The following DLGAP4 variants were observed in gnomAD, a reference collection of about 807,000 sequenced individuals.
DLGAP4 encodes DLG associated protein 4, also known as disks large-associated protein 4.
Under a neutral mutation model 86.9 loss-of-function variants are expected in DLGAP4, and 18 were observed. The ratio of observed to expected loss-of-function variants is 0.21; its 90% CI spans 0.14 to 0.31. The LOEUF (loss-of-function observed/expected upper bound fraction) is 0.31, where lower values mean the gene tolerates loss of function less well. Among genes scored for constraint, DLGAP4 ranks in the 10% least tolerant of loss-of-function variants. The pLI, the probability that DLGAP4 is intolerant of heterozygous loss-of-function variation, is 1.00. For missense variants in DLGAP4, 1,085 were observed against 1,362.6 expected, an observed-to-expected ratio of 0.80 and a Z score of 3.21; for synonymous variants, 548 against 574.3, an observed-to-expected ratio of 0.95 and a Z score of 0.65.
intron 2 of DLGAP4, among the ~76,000 whole-genome samples, chr20:36,412,979 CTTT>C (rs71184093): frequency 2.3e-4 from 25 of 110,838 alleles, no homozygotes; most frequent in Admixed American, 1.9e-4. Context: ...GAACTCTTTT[CTTT>C]TTTTTTTTTT....
chr20:36,313,082 C>T (rs1217527328), intron 1 of DLGAP4, among the ~76,000 whole-genome samples: 1 of 152,068 alleles, frequency 6.6e-6, no homozygotes, highest in Non-Finnish European at 1.5e-5. Flanking sequence ...GTCAGGGAGT[C>T]CTCACTGCCC....
intron 7 of DLGAP4, among the ~76,000 whole-genome samples, chr20:36,477,138 C>A (rs192754560): frequency 6.6e-6 from 1 of 151,374 alleles, no homozygotes; most frequent in Non-Finnish European, 1.5e-5. Context: ...TCTCTGTCAC[C>A]CAGCTTGGAG....
chr20:36,461,872 T>TCCTCCGCAGCC, intron 7 of DLGAP4: 2 of 983,986 alleles, frequency 2.0e-6, no homozygotes, highest in Non-Finnish European at 2.4e-6. Flanking sequence ...GCCCTCGCGC[T>TCCTCCGCAGCC]CCTCCGCAGC....
At chr20:36,331,529 C>T (rs1555891554) in intron 1 of DLGAP4, among the ~76,000 whole-genome samples, 2 of 152,210 alleles carry the variant, frequency 1.3e-5, no homozygotes, top group South Asian at 4.1e-4. Flanking sequence ...GACCCAGCCT[C>T]AGCCTGGACT....
intron 1 of DLGAP4, among the ~76,000 whole-genome samples, chr20:36,363,528 C>T (rs1411938095): frequency 1.3e-5 from 2 of 151,874 alleles, no homozygotes; most frequent in Non-Finnish European, 2.9e-5. Flanking sequence ...TGATGGCTTG[C>T]GTGTGAGAGG....
At chr20:36,354,020 C>T (rs1366594516) in intron 1 of DLGAP4, among the ~76,000 whole-genome samples, 1 of 152,234 alleles carries the variant, frequency 6.6e-6, no homozygotes, top group East Asian at 1.9e-4. Context: ...CCCTTGACAA[C>T]TGTGGAGAAC....
chr20:36,436,083 C>A, intron 3 of DLGAP4, 26 bp from the exon 4 acceptor site: 1 of 1,533,192 alleles, frequency 6.5e-7, no homozygotes, highest in Non-Finnish European at 8.7e-7. Flanking sequence ...GCGGTGGCCC[C>A]ACTGAGTCCT....
intron 1 of DLGAP4, among the ~76,000 whole-genome samples, chr20:36,339,355 T>A (rs2065354022): frequency 6.6e-6 from 1 of 152,204 alleles, no homozygotes; most frequent in East Asian, 1.9e-4. Flanking sequence ...CCCAAAGTGC[T>A]GGGATTACAG....
chr20:36,439,998 C>T lies in DLGAP4; in HGVS notation c.1356+130C>T, dbSNP rs1005996597. 1.1e-5 allele frequency: 9 copies of T among 788,780 alleles called. No homozygotes were observed. The African/African-American group carries it at 1.5e-4, about 14-fold the overall frequency. The allele number at this position is 788,780 out of a possible 1,614,324, so 48.9% of individuals were successfully genotyped here. On this transcript the variant is annotated intron_variant, in intron 5 of 12. Transcript: ENST00000339266. ...TGTCTGCACTGTGCTTCTGTTTGGT[C>T]CTTGTTCCTGAAGCCTCCTGTGTGT...
chr20:36,480,812 C>T (rs2035152696), intron 7 of DLGAP4, among the ~76,000 whole-genome samples: 1 of 152,068 alleles, frequency 6.6e-6, no homozygotes, highest in African/African-American at 2.4e-5. Context: ...TCTAGTACAG[C>T]ATGGGCAACA....
intron 5 of DLGAP4, 90 bp downstream of exon 5, chr20:36,439,958 T>C: frequency 6.1e-6 from 7 of 1,145,396 alleles, no homozygotes; most frequent in Non-Finnish European, 8.9e-6. Flanking sequence ...CAGCCCATGC[T>C]GAGTGGCCCC....
At chr20:36,461,060 G>A (rs1429067399) in intron 7 of DLGAP4, among the ~76,000 whole-genome samples, 1 of 152,170 alleles carries the variant, frequency 6.6e-6, no homozygotes, top group Non-Finnish European at 1.5e-5. Flanking sequence ...CAGCTTCCTC[G>A]GAGCCTCGGT....
At chr20:36,351,503 G>T (rs898271181) in intron 1 of DLGAP4, among the ~76,000 whole-genome samples, 1 of 151,924 alleles carries the variant, frequency 6.6e-6, no homozygotes, top group African/African-American at 2.4e-5. Flanking sequence ...ATCACCCCCA[G>T]ATGGGACCAT....
chr20:36,344,188 GAA>G (rs1357697070), intron 1 of DLGAP4, among the ~76,000 whole-genome samples: 3 of 152,190 alleles, frequency 2.0e-5, no homozygotes, highest in African/African-American at 7.2e-5. Context: ...AACCTGGTCT[GAA>G]TCTCTGCTCC....
At chr20:36,418,961 C>G (rs1049234592) in intron 2 of DLGAP4, among the ~76,000 whole-genome samples, 1 of 152,142 alleles carries the variant, frequency 6.6e-6, no homozygotes, top group African/African-American at 2.4e-5. Context: ...CTCAACTCAG[C>G]CTGGTGGGCA....
chr20:36,377,946 C>T (rs757087194), intron 2 of DLGAP4, among the ~76,000 whole-genome samples: 4 of 152,230 alleles, frequency 2.6e-5, no homozygotes, highest in East Asian at 1.9e-4. Context: ...CCAGGCTCAA[C>T]GACTTCCGTC....
chr20:36,471,020 CTG>C (rs986111652), intron 7 of DLGAP4, among the ~76,000 whole-genome samples: 2 of 152,230 alleles, frequency 1.3e-5, no homozygotes, highest in Non-Finnish European at 2.9e-5. Flanking sequence ...TTCCAAGAGT[CTG>C]TGCGCTTAAA....
chr20:36,524,814 AT>A (rs575981265), intron 11 of DLGAP4, among the ~76,000 whole-genome samples: 105 of 152,142 alleles, frequency 6.9e-4, no homozygotes, highest in African/African-American at 2.5e-3. Context: ...AGGCAGGAGA[AT>A]CGCCTGAACC....
intron 1 of DLGAP4, among the ~76,000 whole-genome samples, chr20:36,318,112 AC>A (rs2065128344): frequency 1.5e-4 from 2 of 13,742 alleles, no homozygotes; most frequent in Non-Finnish European, 1.8e-3. Context: ...CCTCTCACAC[AC>A]ACACACACAC....
Sources: allele counts gnomAD v4.1 joint callset (sites outside exome capture counted in the v4.1 genomes callset), GRCh38; gene constraint gnomAD v4.1.1; transcripts MANE v1.5; gene names NCBI Gene and HGNC (gene_info 2026-07-23, HGNC 2026-07-21).